SDK1: variants seen among roughly 807,000 people sequenced by gnomAD.
The protein encoded by SDK1 is sidekick cell adhesion molecule 1.
In SDK1, 157 loss-of-function variants were observed where a neutral mutation model predicts 245.5. The ratio of observed to expected loss-of-function variants is 0.64; its 90% confidence interval spans 0.56 to 0.73. The LOEUF is 0.73. Ranked by LOEUF, SDK1 falls within the 30% of genes least tolerant of loss-of-function variation. SDK1 has a pLI of 0.00. For missense variants in SDK1, 3,583 were observed against 3,002.3 expected (o/e 1.19, Z -4.52); for synonymous variants, 1,647 against 1,278.5 (o/e 1.29, Z -6.15).
chr7:3,471,094 A>G (rs1464181299), intron 1 of SDK1, among the ~76,000 whole-genome samples: 1 of 152,182 alleles, frequency 6.6e-6, no homozygotes, highest in Admixed American at 6.5e-5. Flanking sequence ...ATGGGACATG[A>G]GTTGCTATTA....
At chr7:3,534,404 A>G (rs1262470482) in intron 1 of SDK1, among the ~76,000 whole-genome samples, 1 of 152,178 alleles carries the variant, frequency 6.6e-6, no homozygotes, top group Admixed American at 6.5e-5. Context: ...CATATCTGGA[A>G]GTGAGATTGC....
intron 2 of SDK1, among the ~76,000 whole-genome samples, chr7:3,626,198 C>T (rs893824868): frequency 5.3e-5 from 8 of 152,128 alleles, no homozygotes; most frequent in Middle Eastern, 3.4e-3. Context: ...CCTTGGTCTC[C>T]CAAAGTGCTG....
At chr7:3,639,981 G>A (rs1782598791) in intron 3 of SDK1, among the ~76,000 whole-genome samples, 1 of 152,190 alleles carries the variant, frequency 6.6e-6, no homozygotes, top group Middle Eastern at 3.4e-3. Context: ...CGAGTAGCTA[G>A]GACCACAGGT....
Position 3,739,884 on chromosome 7 carries a change from G to T in SDK1, c.714-81566G>T, listed in dbSNP as rs185801104. ...TGAATGATATAATATGGCAATTTTG[G>T]AAATCAGATTTCCTACCCTATGCAG... On this transcript the variant is annotated intron_variant, in intron 4 of 44. Transcript: ENST00000404826. Among the ~76,000 whole-genome samples the T allele has an allele frequency of 3.0e-4, 46 of 152,170 alleles. 1 individual carries two copies. The highest frequency in any genetic ancestry group is 1.0e-3 in the African/African-American group (43 of 41,516).
At chr7:3,680,945 C>T (rs1264651048) in intron 4 of SDK1, among the ~76,000 whole-genome samples, 2 of 152,130 alleles carry the variant, frequency 1.3e-5, no homozygotes, top group South Asian at 2.1e-4. Context: ...CGGGTTCAAG[C>T]GATTCTCCTG....
intron 4 of SDK1, among the ~76,000 whole-genome samples, chr7:3,661,104 C>A (rs1783341022): frequency 6.6e-6 from 1 of 152,208 alleles, no homozygotes; most frequent in African/African-American, 2.4e-5. Flanking sequence ...ATTGCCTACT[C>A]CAGTGATCTA....
intron 13 of SDK1, 127 bp from the exon 14 acceptor site, chr7:3,987,059 G>A (rs972481947): frequency 3.5e-6 from 3 of 861,418 alleles, no homozygotes; most frequent in Admixed American, 2.4e-5. Context: ...ATTTGTGTTT[G>A]GGCATATTTT....
At chr7:3,650,821 A>G (rs1782991143) in intron 4 of SDK1, among the ~76,000 whole-genome samples, 3 of 115,620 alleles carry the variant, frequency 2.6e-5, no homozygotes, top group African/African-American at 9.8e-5. Context: ...ACCTGTGGGG[A>G]TTGGTTTTTT....
rs935111036 is a variant in SDK1 at position 3,799,203 on chromosome 7, C to A, written c.714-22247C>A. Among the ~76,000 whole-genome samples the A allele has an allele frequency of 3.3e-5, 5 of 151,926 alleles. No individual in the cohort carries two copies. In the South Asian group the frequency reaches 6.2e-4, roughly 19 times the overall value. On this transcript the variant is annotated intron_variant, in intron 4 of 44. Coordinates refer to ENST00000404826, the MANE Select transcript of SDK1 (RefSeq NM_152744.4). ...TATAAACTTCAAAATACTTATTTTTCGTTTTCAGGACATTCAGTTGGTATG... is the reference window on the plus strand; with the variant it reads ...TATAAACTTCAAAATACTTATTTTTAGTTTTCAGGACATTCAGTTGGTATG...
intron 1 of SDK1, among the ~76,000 whole-genome samples, chr7:3,553,873 A>T (rs899447129): frequency 6.6e-6 from 1 of 152,198 alleles, no homozygotes; most frequent in Non-Finnish European, 1.5e-5. Flanking sequence ...GGCCTGGGGA[A>T]GTCCCTTCAC....
chr7:3,978,630 A>T (rs931472537), intron 13 of SDK1, among the ~76,000 whole-genome samples: 8 of 152,180 alleles, frequency 5.3e-5, no homozygotes, highest in African/African-American at 1.9e-4. Context: ...TGACTCTACA[A>T]CAATAATGGC....
intron 33 of SDK1, among the ~76,000 whole-genome samples, chr7:4,175,446 C>T (rs2128218016): frequency 6.6e-6 from 1 of 152,352 alleles, no homozygotes; most frequent in Admixed American, 6.5e-5. Flanking sequence ...TGCACCTGCC[C>T]CGGGGTGACC....
intron 4 of SDK1, among the ~76,000 whole-genome samples, chr7:3,701,408 C>A (rs1196125247): frequency 6.6e-6 from 1 of 152,074 alleles, no homozygotes; most frequent in Non-Finnish European, 1.5e-5. Context: ...TAATTCATAT[C>A]AAAATCGTAG....
chr7:3,793,803 T>C (rs1242322491), intron 4 of SDK1, among the ~76,000 whole-genome samples: 3 of 151,560 alleles, frequency 2.0e-5, no homozygotes, highest in South Asian at 2.1e-4. Flanking sequence ...AGTGGACTTA[T>C]GCAGGGGTGG....
chr7:3,978,008 C>T (rs1783101463), intron 13 of SDK1, among the ~76,000 whole-genome samples: 1 of 152,164 alleles, frequency 6.6e-6, no homozygotes, highest in African/African-American at 2.4e-5. Flanking sequence ...TCTACCAAAA[C>T]CCAAACAGTG....
At chr7:3,492,962 A>AT (rs1268255575) in intron 1 of SDK1, among the ~76,000 whole-genome samples, 2 of 151,850 alleles carry the variant, frequency 1.3e-5, no homozygotes, top group Admixed American at 6.6e-5. Context: ...TTATTTTTCT[A>AT]TTTTTTGAGA....
At chr7:3,571,123 A>T (rs1372176336) in intron 1 of SDK1, among the ~76,000 whole-genome samples, 1 of 152,092 alleles carries the variant, frequency 6.6e-6, no homozygotes, top group East Asian at 1.9e-4. Flanking sequence ...AGTCTGCGTT[A>T]CTTAATTTAA....
At chr7:3,408,305 A>T (rs998450469) in intron 1 of SDK1, among the ~76,000 whole-genome samples, 1 of 152,176 alleles carries the variant, frequency 6.6e-6, no homozygotes, top group South Asian at 2.1e-4. Flanking sequence ...TGGCCTCCCA[A>T]AGTGGCTGGG....
intron 1 of SDK1, among the ~76,000 whole-genome samples, chr7:3,546,255 A>G (rs563784184): frequency 6.6e-6 from 1 of 152,232 alleles, no homozygotes; most frequent in East Asian, 1.9e-4. Flanking sequence ...ACAATGATGT[A>G]CAGGAAAGGG....
Sources: allele counts gnomAD v4.1 joint callset (sites outside exome capture counted in the v4.1 genomes callset), GRCh38; gene constraint gnomAD v4.1.1; transcripts MANE v1.5; gene names NCBI Gene and HGNC (gene_info 2026-07-23, HGNC 2026-07-21).